MGAT4C: variants seen among roughly 807,000 people sequenced by gnomAD.
MGAT4C encodes the protein alpha-1,3-mannosyl-glycoprotein 4-beta-N-acetylglucosaminyltransferase C.
A neutral mutation model predicts 40.1 loss-of-function variants in MGAT4C; 19 were observed. That is an observed-to-expected ratio of 0.47 (90% CI 0.33 to 0.70). The LOEUF (loss-of-function observed/expected upper bound fraction) is 0.70. Ranked by LOEUF, MGAT4C falls within the 30% of genes least tolerant of loss-of-function variation. MGAT4C has a pLI of 0.02. For missense variants in MGAT4C, 491 were observed against 563.2 expected (o/e 0.87, Z 1.30); for synonymous variants, 181 against 187.1 (o/e 0.97, Z 0.27).
chr12:86,110,297 T>TATATATA (rs1355215806), intron 1 of MGAT4C, among the ~76,000 whole-genome samples: 1 of 14,256 alleles, frequency 7.0e-5, no homozygotes, highest in Non-Finnish European at 1.1e-4. Context: ...ATATATAGTC[T>TATATATA]CTCTATATAT....
intron 2 of MGAT4C, among the ~76,000 whole-genome samples, chr12:86,507,935 T>G (rs796805584): frequency 6.6e-6 from 1 of 152,164 alleles, no homozygotes. Context: ...TTTTTCTATT[T>G]CTGTAGAAAA....
At chr12:86,364,940 A>C (rs920874690) in intron 3 of MGAT4C, among the ~76,000 whole-genome samples, 1 of 152,170 alleles carries the variant, frequency 6.6e-6, no homozygotes, top group Admixed American at 6.5e-5. Flanking sequence ...TCAGGCATGC[A>C]TTGTCATTGA....
rs1884344449 is a variant in MGAT4C, at chr12:85,979,842, A to G, written c.884T>C (p.Leu295Pro). 6.2e-7 allele frequency: 1 copy of G among 1,613,840 alleles called. No homozygotes were observed. The highest frequency in any genetic ancestry group is 8.5e-7 in the Non-Finnish European group (1 of 1,179,846). Residue 295 changes from leucine (L) to proline (P), a missense_variant, in exon 5 of 5, where the codon CTG (leucine) becomes CCG (proline). Leu to Pro is a moderately conservative substitution (Grantham distance 98, BLOSUM62 -3). Transcript: ENST00000611864. ...ACGGATCACATTTTTCTGAGCCAAC[A>G]GACCACGGAAATGAGTCAATAGCCA... ...CDWLLTHFRG[L>P]LAQKNVIRFK...
intron 2 of MGAT4C, among the ~76,000 whole-genome samples, chr12:86,637,199 C>T (rs1454203012): frequency 1.3e-5 from 2 of 151,964 alleles, no homozygotes; most frequent in African/African-American, 4.8e-5. Flanking sequence ...CTTCTACTAT[C>T]TGGAGCATTC....
intron 1 of MGAT4C, among the ~76,000 whole-genome samples, chr12:86,767,177 G>A (rs1397020709): frequency 6.6e-6 from 1 of 152,110 alleles, no homozygotes; most frequent in African/African-American, 2.4e-5. Context: ...AAATGATAAA[G>A]GGGTTATCAC....
chr12:86,776,592 T>C lies in MGAT4C; in HGVS notation c.-261-49351A>G, dbSNP rs193101741. Among the ~76,000 whole-genome samples, 521 of 152,182 alleles carry C rather than the reference T, an allele frequency of 3.4e-3. 2 individuals are homozygous for C. The highest frequency in any genetic ancestry group is 0.012 in the African/African-American group (499 of 41,568). On this transcript the variant is annotated intron_variant, in intron 1 of 7. Coordinates refer to the MGAT4C transcript ENST00000548651. The stretch of plus-strand genomic sequence containing the variant: ...GCAATGTCTTTCTCAAAGTCTTGTA[T>C]GGGCTGGTGGAGAATTCAAATTACT...
At chr12:86,446,700 T>TATAC (rs1555190167) in intron 2 of MGAT4C, among the ~76,000 whole-genome samples, 82 of 129,806 alleles carry the variant, frequency 6.3e-4, no homozygotes, top group African/African-American at 2.1e-3. Context: ...TATATATATA[T>TATAC]ATATGGATGT....
At chr12:86,117,290 G>A (rs1878593178) in intron 1 of MGAT4C, among the ~76,000 whole-genome samples, 1 of 151,878 alleles carries the variant, frequency 6.6e-6, no homozygotes, top group African/African-American at 2.4e-5. Context: ...ACACTGAAGT[G>A]AACTAGGAAA....
chr12:86,663,800 T>C (rs1394213954), intron 2 of MGAT4C, among the ~76,000 whole-genome samples: 1 of 152,172 alleles, frequency 6.6e-6, no homozygotes, highest in Admixed American at 6.5e-5. Flanking sequence ...TTTAGTTTTT[T>C]TGAGTGAAGC....
chr12:86,320,494 C>T (rs1345260523), intron 4 of MGAT4C, among the ~76,000 whole-genome samples: 1 of 152,030 alleles, frequency 6.6e-6, no homozygotes, highest in Non-Finnish European at 1.5e-5. Flanking sequence ...ATAGTAAGAA[C>T]TGAAATTTAT....
chr12:86,405,972 TATATATATATACAC>T (rs1474290304), intron 3 of MGAT4C, among the ~76,000 whole-genome samples: 1 of 115,894 alleles, frequency 8.6e-6, no homozygotes, highest in Non-Finnish European at 1.7e-5. Flanking sequence ...ATTATACATA[TATATATATATACAC>T]AAAAAATATA....
intron 3 of MGAT4C, among the ~76,000 whole-genome samples, chr12:86,369,822 C>T (rs1320198569): frequency 6.6e-6 from 1 of 151,872 alleles, no homozygotes; most frequent in Non-Finnish European, 1.5e-5. Flanking sequence ...TTTAAATCTT[C>T]AATAGACAAT....
At chr12:86,765,626 G>A (rs1951491602) in intron 1 of MGAT4C, among the ~76,000 whole-genome samples, 1 of 152,140 alleles carries the variant, frequency 6.6e-6, no homozygotes, top group African/African-American at 2.4e-5. Context: ...GAAAGGTCGG[G>A]TTACCCACAA....
At chr12:86,077,434 C>T (rs533119678) in intron 1 of MGAT4C, among the ~76,000 whole-genome samples, 17 of 152,000 alleles carry the variant, frequency 1.1e-4, no homozygotes, top group African/African-American at 3.6e-4. Flanking sequence ...GGAAATAAAA[C>T]GAATATATTT....
At chr12:86,002,400 T>C (rs1316762689) in intron 2 of MGAT4C, 2 of 152,130 alleles carry the variant, frequency 1.3e-5, no homozygotes, top group Non-Finnish European at 2.9e-5. Context: ...TCTCCACAAA[T>C]ATTGGCTAAA....
intron 4 of MGAT4C, among the ~76,000 whole-genome samples, chr12:86,280,141 A>G (rs1414377607): frequency 6.6e-6 from 1 of 151,968 alleles, no homozygotes; most frequent in East Asian, 1.9e-4. Flanking sequence ...TTATTCGGTC[A>G]ATATTTATTC....
chr12:86,126,512 G>A (rs578232282), intron 1 of MGAT4C, among the ~76,000 whole-genome samples: 1 of 152,070 alleles, frequency 6.6e-6, no homozygotes, highest in Admixed American at 6.5e-5. Context: ...ATTGCACCAA[G>A]TCAAATATAG....
chr12:86,329,102 CAATAAATAAATA>C (rs59833458), intron 4 of MGAT4C, among the ~76,000 whole-genome samples: 6,656 of 139,324 alleles, frequency 0.048, 395 homozygotes, highest in East Asian at 0.25. Flanking sequence ...GACTCCATTT[CAATAAATAAATA>C]AATAAATAAA....
At chr12:86,355,842 A>C (rs1955297310) in intron 3 of MGAT4C, among the ~76,000 whole-genome samples, 2 of 152,184 alleles carry the variant, frequency 1.3e-5, no homozygotes, top group Non-Finnish European at 2.9e-5. Flanking sequence ...TGACAACTGA[A>C]CAATTAAAAT....
Sources: gnomAD v4.1 joint callset for allele counts (sites outside exome capture counted in the v4.1 genomes callset) on GRCh38, gnomAD v4.1.1 for gene constraint, MANE v1.5 for transcripts, NCBI Gene and HGNC (gene_info 2026-07-23, HGNC 2026-07-21) for gene names.